The following MACROD2 variants were observed in gnomAD, a reference collection of about 807,000 sequenced individuals.
MACROD2 encodes mono-ADP ribosylhydrolase 2.
In MACROD2, 36 loss-of-function variants were observed where a neutral mutation model predicts 70.4. The ratio of observed to expected loss-of-function variants is 0.51; its 90% confidence interval spans 0.39 to 0.68. The LOEUF is 0.68. Ranked by LOEUF, MACROD2 falls within the 30% of genes least tolerant of loss-of-function variation. MACROD2 has a pLI of 0.00. For synonymous variants in MACROD2, 172 were observed against 178.8 expected (o/e 0.96, Z 0.30); for missense variants, 496 against 538.4 (o/e 0.92, Z 0.78).
At chr20:14,011,245 C>G (rs1285187183) in intron 2 of MACROD2, among the ~76,000 whole-genome samples, 1 of 152,120 alleles carries the variant, frequency 6.6e-6, no homozygotes, top group Admixed American at 6.6e-5. Flanking sequence ...GATAGGAGCA[C>G]AGCGTCTCAT....
intron 8 of MACROD2, among the ~76,000 whole-genome samples, chr20:15,573,508 G>A (rs1487745123): frequency 6.6e-6 from 1 of 152,124 alleles, no homozygotes; most frequent in Non-Finnish European, 1.5e-5. Flanking sequence ...AAAGAAGACA[G>A]CCTAGGATGA....
chr20:15,049,654 A>G (rs1355107489), intron 5 of MACROD2, among the ~76,000 whole-genome samples: 1 of 152,148 alleles, frequency 6.6e-6, no homozygotes, highest in Non-Finnish European at 1.5e-5. Context: ...GTCTTAAAGA[A>G]TATAGCTACA....
At chr20:15,036,480 A>G (rs2075314262) in intron 5 of MACROD2, among the ~76,000 whole-genome samples, 1 of 152,122 alleles carries the variant, frequency 6.6e-6, no homozygotes, top group African/African-American at 2.4e-5. Flanking sequence ...TCCCCCCACC[A>G]ATCAGTAGTT....
chr20:15,476,553 A>C (rs1490491087), intron 7 of MACROD2, among the ~76,000 whole-genome samples: 1 of 141,204 alleles, frequency 7.1e-6, no homozygotes, highest in Non-Finnish European at 1.5e-5. Context: ...CCAATTTTAA[A>C]ACTATATTGT....
intron 6 of MACROD2, among the ~76,000 whole-genome samples, chr20:15,378,693 C>G (rs372799672): frequency 1.3e-5 from 2 of 152,122 alleles, no homozygotes; most frequent in East Asian, 3.8e-4. Flanking sequence ...TAATGACACA[C>G]AATCACTTTA....
intron 3 of MACROD2, among the ~76,000 whole-genome samples, chr20:14,386,249 GT>G (rs1438342375): frequency 6.6e-6 from 1 of 152,144 alleles, no homozygotes; most frequent in Non-Finnish European, 1.5e-5. Flanking sequence ...TACAGCTATG[GT>G]GCACAGTAGC....
At chr20:14,697,817 A>C (rs2123626380) in intron 5 of MACROD2, among the ~76,000 whole-genome samples, 1 of 152,320 alleles carries the variant, frequency 6.6e-6, no homozygotes, top group East Asian at 1.9e-4. Flanking sequence ...CAATGACAGC[A>C]GTTTAAAGCT....
chr20:14,371,342 C>T (rs762162862), intron 3 of MACROD2, among the ~76,000 whole-genome samples: 3 of 151,884 alleles, frequency 2.0e-5, no homozygotes, highest in Non-Finnish European at 4.4e-5. Context: ...TAAAAATTAG[C>T]AGGATGTGGT....
At chr20:15,782,541 A>C (rs1421939041) in intron 8 of MACROD2, among the ~76,000 whole-genome samples, 2 of 151,918 alleles carry the variant, frequency 1.3e-5, no homozygotes, top group African/African-American at 4.8e-5. Flanking sequence ...CCTGGACAAC[A>C]TGGCAGCTGG....
chr20:14,452,910 C>T (rs1360446952), intron 3 of MACROD2, among the ~76,000 whole-genome samples: 2 of 152,076 alleles, frequency 1.3e-5, no homozygotes, highest in African/African-American at 4.8e-5. Flanking sequence ...TAGAGATTTT[C>T]CTTTGAATGT....
At chr20:14,836,862 G>A (rs1489849615) in intron 5 of MACROD2, among the ~76,000 whole-genome samples, 1 of 152,014 alleles carries the variant, frequency 6.6e-6, no homozygotes, top group Non-Finnish European at 1.5e-5. Context: ...GATTCCAAAA[G>A]CATATCTGAA....
chr20:14,909,075 T>A (rs564279388), intron 5 of MACROD2, among the ~76,000 whole-genome samples: 18 of 152,194 alleles, frequency 1.2e-4, no homozygotes, highest in Middle Eastern at 6.8e-3. Flanking sequence ...CATATAGAGA[T>A]GGGAGATTTA....
intron 3 of MACROD2, among the ~76,000 whole-genome samples, chr20:14,426,615 C>T (rs1404839087): frequency 3.9e-5 from 6 of 152,092 alleles, no homozygotes; most frequent in Non-Finnish European, 8.8e-5. Context: ...TATAGTTTTG[C>T]AGTATGATGA....
intron 6 of MACROD2, among the ~76,000 whole-genome samples, chr20:15,305,335 A>G (rs2077687329): frequency 6.6e-6 from 1 of 152,092 alleles, no homozygotes; most frequent in Non-Finnish European, 1.5e-5. Flanking sequence ...CTCTTTTTCC[A>G]AAATGATTCA....
At chr20:15,521,853 T>C (rs1371305936) in intron 8 of MACROD2, among the ~76,000 whole-genome samples, 1 of 152,234 alleles carries the variant, frequency 6.6e-6, no homozygotes, top group African/African-American at 2.4e-5. Flanking sequence ...GAGCACAATT[T>C]ACAGTGGATT....
chr20:14,409,339 A>C (rs117260426), intron 3 of MACROD2, among the ~76,000 whole-genome samples: 1,852 of 152,114 alleles, frequency 0.012, 17 homozygotes, highest in Admixed American at 0.02. Flanking sequence ...AATGCTCAGT[A>C]AGCTCTTACT....
At chr20:14,820,238 T>A (rs936906532) in intron 5 of MACROD2, among the ~76,000 whole-genome samples, 1 of 152,160 alleles carries the variant, frequency 6.6e-6, no homozygotes, top group Admixed American at 6.5e-5. Context: ...GAAAGCCTAC[T>A]TCTATCTGCC....
chr20:14,457,520 G>A (rs192968732), intron 3 of MACROD2, among the ~76,000 whole-genome samples: 10 of 152,142 alleles, frequency 6.6e-5, no homozygotes, highest in African/African-American at 2.2e-4. Context: ...GATTCTATCC[G>A]TTTATACTTC....
chr20:15,788,048 T>G (rs2051960935), intron 8 of MACROD2, among the ~76,000 whole-genome samples: 1 of 152,210 alleles, frequency 6.6e-6, no homozygotes, highest in Non-Finnish European at 1.5e-5. Context: ...GATAATTCTT[T>G]AATCTTTCCA....
Sources: allele counts gnomAD v4.1 joint callset (sites outside exome capture counted in the v4.1 genomes callset), GRCh38; gene constraint gnomAD v4.1.1; transcripts MANE v1.5; gene names NCBI Gene and HGNC (gene_info 2026-07-23, HGNC 2026-07-21).